TKT: variants seen among roughly 807,000 people sequenced by gnomAD.
TKT encodes the protein transketolase.
TKT carries 47 observed loss-of-function variants against 63.9 expected under a neutral mutation model. The ratio of observed to expected loss-of-function variants is 0.74; its 90% CI spans 0.58 to 0.94. The LOEUF (loss-of-function observed/expected upper bound fraction) is 0.94, where lower values mean the gene tolerates loss of function less well. TKT is among the 40% of genes least tolerant of loss of function. The pLI is 0.00. For synonymous variants in TKT, 338 were observed against 334.1 expected, an observed-to-expected ratio of 1.01 and a Z score of -0.13; for missense variants, 721 against 846.2, an observed-to-expected ratio of 0.85 and a Z score of 1.84.
chr3:53,242,307 A>C, intron 1 of TKT, 65 bp from the exon 2 acceptor site: 1 of 1,507,482 alleles, frequency 6.6e-7, no homozygotes, highest in Admixed American at 1.7e-5. Flanking sequence ...TATTGTGCTC[A>C]GCTGTACAGG....
chr3:53,253,675 A>T (rs1553681913), intron 1 of TKT, among the ~76,000 whole-genome samples: 2 of 152,192 alleles, frequency 1.3e-5, no homozygotes, highest in Non-Finnish European at 2.9e-5. Context: ...AGGGCAGGAG[A>T]ATCAGTTGAA....
At chr3:53,226,338 G>C (rs1046118023) in intron 13 of TKT, 2 of 255,584 alleles carry the variant, frequency 7.8e-6, no homozygotes, top group Admixed American at 5.0e-5. Context: ...CAGAGTCAAA[G>C]CCCATCTCTC....
intron 6 of TKT, 31 bp from the exon 7 acceptor site, chr3:53,231,581 T>G: frequency 1.9e-6 from 3 of 1,590,110 alleles, no homozygotes; most frequent in South Asian, 2.3e-5. Flanking sequence ...GACAGAGGAA[T>G]GGGTAAGACA....
Position 53,231,558 on chromosome 3 carries a change from C to T in TKT, c.749-8G>A, listed in dbSNP as rs1407902400. On this transcript the variant is annotated splice_region_variant and splice_polypyrimidine_tract_variant and intron_variant, in intron 6 of 13. Transcript: ENST00000462138. ...ACTCCTTATCTTCTACCCCTGCAGA[C>T]CCAACACGGGAGGACAGAGGAATGG... The T allele has an allele frequency of 1.9e-6, 3 of 1,612,122 alleles. No individual in the cohort carries two copies. The African/African-American group carries it at 4.0e-5, about 22-fold the overall frequency.
At chr3:53,250,887 T>G (rs782089748) in intron 1 of TKT, among the ~76,000 whole-genome samples, 10 of 152,098 alleles carry the variant, frequency 6.6e-5, no homozygotes, top group Non-Finnish European at 1.0e-4. Flanking sequence ...GCTCAAGTGA[T>G]CCTCACACCT....
intron 1 of TKT, among the ~76,000 whole-genome samples, chr3:53,254,261 C>G (rs575482254): frequency 7.9e-5 from 12 of 152,298 alleles, no homozygotes; most frequent in African/African-American, 2.9e-4. Context: ...ATAAGCAATA[C>G]AAGGCCTGCA....
chr3:53,225,833 C>G lies in TKT; in HGVS notation c.1795G>C (p.Ala599Pro), dbSNP rs371149052. 192 of 1,613,994 alleles carry G rather than the reference C, an allele frequency of 1.2e-4. No individual in the cohort carries two copies. The highest frequency in any genetic ancestry group is 1.5e-4 in the Non-Finnish European group (178 of 1,180,010). Reference sequence around the variant, plus strand: ...ATACCAAACATCTTCAGCAGCTCAGCCGGCTTCCCACTTCTTGGTACCCGG... The same window carrying G: ...ATACCAAACATCTTCAGCAGCTCAGGCGGCTTCCCACTTCTTGGTACCCGG... ...VNRVPRSGKPAELLKMFGIDR... is the reference protein window; with the variant it reads ...VNRVPRSGKPPELLKMFGIDR... Residue 599 changes from alanine (A) to proline (P), a missense_variant, in exon 14 of 14, where the codon GCT becomes CCT. By Grantham distance (27) the Ala-to-Pro change is conservative (BLOSUM62 -1). Coordinates refer to ENST00000462138, the MANE Select transcript of TKT (RefSeq NM_001064.4).
chr3:53,233,130 G>C (rs908442212), intron 6 of TKT, 26 bp downstream of exon 6: 4 of 1,596,582 alleles, frequency 2.5e-6, no homozygotes, highest in South Asian at 2.2e-5. Context: ...GGGTGAAGGT[G>C]GGGAGGGCGG....
chr3:53,230,570 T>C lies in TKT; in HGVS notation c.994A>G (p.Ser332Gly). Residue 332 changes from serine to glycine, a missense_variant, in exon 8 of 14, where the codon AGT (serine) becomes GGT (glycine). Coordinates refer to ENST00000462138, the MANE Select transcript of TKT (RefSeq NM_001064.4). ...GQALAKLGHA[S>G]DRIIALDGDT... is the part of the protein sequence containing the mutation. ...CCATCCAGGGCGATGATGCGGTCAC[T>C]GGCATGGCCCAGCTTGGCCAGTGCC... is the stretch of plus-strand genomic sequence containing the variant. The C allele has an allele frequency of 1.2e-6, 2 of 1,614,222 alleles. No homozygotes were observed. The highest frequency in any genetic ancestry group is 1.7e-6 in the Non-Finnish European group (2 of 1,180,044).
rs145719162 is a variant in TKT, at chr3:53,230,556, G to A, written c.1008C>T (p.Ile336=). ...AKLGHASDRI[I]ALDGDTKNST... The stretch of plus-strand genomic sequence containing the variant: ...AATTTTTGGTGTCCCCATCCAGGGC[G>A]ATGATGCGGTCACTGGCATGGCCCA... The change falls in exon 8 of 14, where the codon ATC becomes ATT. Residue 336 remains isoleucine, a synonymous_variant. Transcript: ENST00000462138. The A allele has an allele frequency of 7.3e-5, 118 of 1,614,246 alleles. No individual in the cohort carries two copies. The highest frequency in any genetic ancestry group is 5.1e-4 in the African/African-American group (38 of 75,068).
Position 53,231,677 on chromosome 3 carries a change from A to G in TKT, c.749-127T>C, listed in dbSNP as rs1704768580. On this transcript the variant is annotated intron_variant, in intron 6 of 13. Transcript: ENST00000462138. ...AGGGAGGAATGGCATCATCCCAGAC[A>G]GGCAGAGCCCAGCCAGGCACGGGGG... 5 of 1,023,296 alleles carry G rather than the reference A, an allele frequency of 4.9e-6. No homozygotes were observed. In the South Asian group the frequency reaches 8.1e-5, roughly 17 times the overall value. 63.4% of individuals were successfully genotyped at this position (1,023,296 alleles called of 1,614,324 possible).
intron 3 of TKT, among the ~76,000 whole-genome samples, 176 bp downstream of exon 3, chr3:53,240,956 G>A (rs1162413566): frequency 6.6e-6 from 1 of 152,198 alleles, no homozygotes; most frequent in South Asian, 2.1e-4. Flanking sequence ...TTTGGCACCA[G>A]CTTGGGTTGA....
chr3:53,230,986 A>C (rs1553676876), intron 7 of TKT, among the ~76,000 whole-genome samples: 1 of 152,208 alleles, frequency 6.6e-6, no homozygotes, highest in East Asian at 1.9e-4. Context: ...TTGGGACAGA[A>C]ACCTGGAGTG....
At chr3:53,231,300 CACAGACTTGGGAAACCTGA>C in intron 7 of TKT, 38 bp downstream of exon 7, 1 of 1,588,044 alleles carries the variant, frequency 6.3e-7, no homozygotes, top group Non-Finnish European at 8.6e-7. Flanking sequence ...GTATCTGGGC[CACAGACTTGGGAAACCTGA>C]GAACTATGGG....
intron 1 of TKT, among the ~76,000 whole-genome samples, chr3:53,243,375 C>CACACGAAG (rs145429964): frequency 0.031 from 4,697 of 152,086 alleles, 259 homozygotes; most frequent in African/African-American, 0.11. Context: ...AGAGGTCCTT[C>CACACGAAG]ACACGAAGAC....
chr3:53,226,914 G>A, intron 12 of TKT, 36 bp from the exon 13 acceptor site: 1 of 1,570,028 alleles, frequency 6.4e-7, no homozygotes, highest in Non-Finnish European at 8.6e-7. Flanking sequence ...CTGAGGGGAG[G>A]GCTGGGCACC....
intron 5 of TKT, 79 bp from the exon 6 acceptor site, chr3:53,233,353 T>G: frequency 8.1e-7 from 1 of 1,227,738 alleles, no homozygotes; most frequent in East Asian, 2.7e-5. Flanking sequence ...AAGGTCTGCC[T>G]TGGCAGCTGG....
rs1433791826 is a variant in TKT, at chr3:53,228,110, C to CGA, written c.1517_1518dup (p.Gly507SerfsTer5). On this transcript the variant is annotated frameshift_variant, in exon 12 of 14. Coordinates refer to ENST00000462138, the MANE Select transcript of TKT (RefSeq NM_001064.4). LOFTEE classifies it high-confidence loss of function. ...GCCTCGTGCAGGGTCACCCCAGCCC[C>CGA]GATAACGGTCACCTGGTCATCCTTG... 8.7e-6 allele frequency: 14 copies of CGA among 1,613,938 alleles called. No homozygotes were observed. The highest frequency in any genetic ancestry group is 1.3e-5 in the African/African-American group (1 of 75,060).
intron 4 of TKT, among the ~76,000 whole-genome samples, chr3:53,239,179 T>C (rs35075155): frequency 0.29 from 44,467 of 151,888 alleles, 8,103 homozygotes; most frequent in Admixed American, 0.46. Context: ...CCTTCCAGCA[T>C]GACTGTGAGG....
Sources: allele counts gnomAD v4.1 joint callset (sites outside exome capture counted in the v4.1 genomes callset), GRCh38; gene constraint gnomAD v4.1.1; transcripts MANE v1.5; gene names NCBI Gene and HGNC (gene_info 2026-07-23, HGNC 2026-07-21).